LRRC4C: variants seen among roughly 807,000 people sequenced by gnomAD.
LRRC4C encodes leucine rich repeat containing 4C.
A neutral mutation model predicts 33.6 loss-of-function variants in LRRC4C; 5 were observed. That is an observed-to-expected ratio of 0.15 (90% confidence interval 0.08 to 0.31). The LOEUF (loss-of-function observed/expected upper bound fraction) is 0.31. LRRC4C is among the 10% of genes least tolerant of loss of function. The probability of loss-of-function intolerance (pLI) is 1.00; values close to 1 mark genes in which losing one functional copy is unlikely to be tolerated. For missense variants in LRRC4C, 560 were observed against 796.7 expected (o/e 0.70, Z 3.58); for synonymous variants, 329 against 302.0 (o/e 1.09, Z -0.93).
Position 40,804,520 on chromosome 11 carries a change from C to T in LRRC4C, c.-407+129115G>A, listed in dbSNP as rs141670731. ...AATGACACAAGTAGCACATCAGTCA[C>T]TTGGCTAATAAGCCTTCTCTGAAGC... On this transcript the variant is annotated intron_variant, in intron 2 of 6. Transcript: ENST00000528697. 2.6e-5 allele frequency among the ~76,000 whole-genome samples: 4 copies of T among 152,298 alleles called. No individual in the cohort carries two copies. The East Asian group carries it at 7.7e-4, about 29-fold the overall frequency.
At chr11:40,255,054 G>A (rs1024551341) in intron 4 of LRRC4C, among the ~76,000 whole-genome samples, 30 of 152,000 alleles carry the variant, frequency 2.0e-4, no homozygotes, top group Admixed American at 5.9e-4. Flanking sequence ...TCCCACCATG[G>A]CCTCCCAAAG....
rs1193756722 is a variant in LRRC4C at position 40,563,605 on chromosome 11, A to C, written c.-270+84537T>G. 2.6e-5 allele frequency among the ~76,000 whole-genome samples: 4 copies of C among 152,172 alleles called. No individual in the cohort carries two copies. The East Asian group carries it at 7.7e-4, about 29-fold the overall frequency. On this transcript the variant is annotated intron_variant, in intron 3 of 6. Transcript: ENST00000528697. ...TGCAATGAAAAAGCAGACACAGCTG[A>C]TATAAAGTACATGGGCTAATAGTTG...
At chr11:40,679,828 G>T (rs550531778) in intron 2 of LRRC4C, among the ~76,000 whole-genome samples, 3 of 152,124 alleles carry the variant, frequency 2.0e-5, no homozygotes, top group Non-Finnish European at 4.4e-5. Flanking sequence ...GGAAATGTGG[G>T]GTCAGATCCC....
chr11:40,585,843 G>A (rs1332807634), intron 3 of LRRC4C, among the ~76,000 whole-genome samples: 1 of 135,676 alleles, frequency 7.4e-6, no homozygotes. Context: ...TGGTGTATAT[G>A]TGCCAAATTT....
rs373356899 is a variant in LRRC4C at position 41,244,171 on chromosome 11, C to CTCTATCTATCTATCTATCTATCTATCTA, written c.-496+215259_-496+215260insTAGATAGATAGATAGATAGATAGATAGA. Among the ~76,000 whole-genome samples the CTCTATCTATCTATCTATCTATCTATCTA allele has an allele frequency of 2.3e-3, 339 of 146,792 alleles. 2 individuals are homozygous for CTCTATCTATCTATCTATCTATCTATCTA. Among genetic ancestry groups the CTCTATCTATCTATCTATCTATCTATCTA allele is most frequent in the Non-Finnish European group, 3.7e-3 (252 of 67,822 alleles). On this transcript the variant is annotated intron_variant, in intron 1 of 6. Coordinates refer to ENST00000528697, the MANE Select transcript of LRRC4C (RefSeq NM_001258419.2). ...ACCATGTTAGTTTCAAGAAAGTTTT[C>CTCTATCTATCTATCTATCTATCTATCTA]TCTATCTATCTATCTATCTATCGAT... is the stretch of plus-strand genomic sequence containing the variant.
chr11:41,001,905 T>A (rs12802852), intron 1 of LRRC4C, among the ~76,000 whole-genome samples: 11 of 151,768 alleles, frequency 7.2e-5, no homozygotes, highest in Non-Finnish European at 1.5e-4. Context: ...CTACCGACAC[T>A]GTAGATATTT....
intron 2 of LRRC4C, among the ~76,000 whole-genome samples, chr11:40,723,824 T>TA (rs1755451811): frequency 6.6e-6 from 1 of 152,022 alleles, no homozygotes; most frequent in Admixed American, 6.6e-5. Context: ...CAAATAGTAT[T>TA]AAAAAACAGG....
At chr11:40,200,240 T>G (rs1862613265) in intron 5 of LRRC4C, among the ~76,000 whole-genome samples, 2 of 138,344 alleles carry the variant, frequency 1.4e-5, no homozygotes, top group African/African-American at 5.4e-5. Flanking sequence ...GGCAGGTGCC[T>G]GTAATCCCAG....
At chr11:40,988,721 T>TTC (rs1853269898) in intron 1 of LRRC4C, among the ~76,000 whole-genome samples, 2 of 143,022 alleles carry the variant, frequency 1.4e-5, no homozygotes, top group Non-Finnish European at 3.1e-5. Flanking sequence ...TTCTTTTTTT[T>TTC]TTTTTTTTTT....
At chr11:40,161,741 A>G (rs1859174542) in intron 5 of LRRC4C, among the ~76,000 whole-genome samples, 1 of 152,180 alleles carries the variant, frequency 6.6e-6, no homozygotes, top group Admixed American at 6.5e-5. Flanking sequence ...TGGGCAACAG[A>G]GCGAGACTCC....
intron 1 of LRRC4C, among the ~76,000 whole-genome samples, chr11:41,214,137 C>T (rs1946934576): frequency 6.6e-6 from 1 of 152,128 alleles, no homozygotes; most frequent in South Asian, 2.1e-4. Context: ...AATCTGTTTT[C>T]AATCAGAAAA....
At chr11:40,869,682 G>A (rs933585412) in intron 2 of LRRC4C, among the ~76,000 whole-genome samples, 1 of 152,052 alleles carries the variant, frequency 6.6e-6, no homozygotes, top group African/African-American at 2.4e-5. Flanking sequence ...ACACTAGCAG[G>A]CCACTGCACA....
At chr11:40,923,270 T>C (rs1011862134) in intron 2 of LRRC4C, among the ~76,000 whole-genome samples, 5 of 152,218 alleles carry the variant, frequency 3.3e-5, no homozygotes, top group African/African-American at 1.2e-4. Flanking sequence ...TGCCATATTT[T>C]CCAAGAGTCA....
intron 2 of LRRC4C, among the ~76,000 whole-genome samples, chr11:40,724,857 A>G (rs1349827226): frequency 6.6e-6 from 1 of 152,192 alleles, no homozygotes; most frequent in East Asian, 1.9e-4. Context: ...TTAGATTTAC[A>G]AAGAAAAAAA....
chr11:40,994,237 T>A (rs909560536), intron 1 of LRRC4C, among the ~76,000 whole-genome samples: 6 of 152,124 alleles, frequency 3.9e-5, no homozygotes, highest in Non-Finnish European at 7.3e-5. Flanking sequence ...GGAGCATTAC[T>A]CAAATCCAAA....
At chr11:40,863,184 G>C (rs909130375) in intron 2 of LRRC4C, among the ~76,000 whole-genome samples, 3 of 152,152 alleles carry the variant, frequency 2.0e-5, no homozygotes, top group Non-Finnish European at 4.4e-5. Flanking sequence ...TTTAGCCTAA[G>C]GCTCATTGGT....
chr11:40,437,454 C>T (rs531949575), intron 3 of LRRC4C, among the ~76,000 whole-genome samples: 2 of 151,480 alleles, frequency 1.3e-5, no homozygotes, highest in East Asian at 2.0e-4. Context: ...AGTGCAGTGG[C>T]ACAATCCCGG....
intron 1 of LRRC4C, among the ~76,000 whole-genome samples, chr11:41,298,290 C>G (rs1300248108): frequency 6.6e-6 from 1 of 152,114 alleles, no homozygotes; most frequent in Admixed American, 6.6e-5. Context: ...AAGAAGGTCT[C>G]TCTCCTAGCA....
At chr11:40,235,489 C>A (rs1025483100) in intron 5 of LRRC4C, among the ~76,000 whole-genome samples, 1 of 152,014 alleles carries the variant, frequency 6.6e-6, no homozygotes, top group Non-Finnish European at 1.5e-5. Flanking sequence ...ATGGATATAA[C>A]CTTAAAGTCG....
Sources: allele counts gnomAD v4.1 joint callset (sites outside exome capture counted in the v4.1 genomes callset), GRCh38; gene constraint gnomAD v4.1.1; transcripts MANE v1.5; gene names NCBI Gene and HGNC (gene_info 2026-07-23, HGNC 2026-07-21).